ATP10D: variants seen among roughly 807,000 people sequenced by gnomAD.
ATP10D encodes the protein phospholipid-transporting ATPase VD.
In ATP10D, 89 loss-of-function variants were observed where a neutral mutation model predicts 144.8. The ratio of observed to expected loss-of-function variants is 0.61; its 90% CI spans 0.52 to 0.73. The LOEUF (loss-of-function observed/expected upper bound fraction) is 0.73. Ranked by LOEUF, ATP10D falls within the 30% of genes least tolerant of loss-of-function variation. The pLI, the probability that ATP10D is intolerant of heterozygous loss-of-function variation, is 0.00. For missense variants in ATP10D, 1,603 were observed against 1,714.8 expected (o/e 0.93, Z 1.15); for synonymous variants, 571 against 615.1 (o/e 0.93, Z 1.06).
chr4:47,536,183 C>T (rs1455708701), intron 7 of ATP10D, 150 bp downstream of exon 7: 36 of 1,102,786 alleles, frequency 3.3e-5, no homozygotes, highest in Admixed American at 2.7e-5. Flanking sequence ...CATCCTTTAG[C>T]CTGAAAAATA....
chr4:47,571,636 G>A (rs1411052733), intron 16 of ATP10D, among the ~76,000 whole-genome samples: 1 of 152,144 alleles, frequency 6.6e-6, no homozygotes, highest in East Asian at 1.9e-4. Context: ...CTGTGTTGGG[G>A]GAGACCAGTA....
intron 5 of ATP10D, among the ~76,000 whole-genome samples, chr4:47,530,955 T>A (rs903166878): frequency 1.1e-4 from 16 of 152,188 alleles, no homozygotes; most frequent in African/African-American, 3.6e-4. Flanking sequence ...TGAAGCTTTC[T>A]TTTTTGTTGT....
intron 2 of ATP10D, among the ~76,000 whole-genome samples, chr4:47,513,306 A>G (rs1418256049): frequency 6.6e-6 from 1 of 152,242 alleles, no homozygotes; most frequent in African/African-American, 2.4e-5. Context: ...TTCATGGACA[A>G]TCTCCTGTGA....
At chr4:47,530,110 T>C (rs542113266) in intron 5 of ATP10D, among the ~76,000 whole-genome samples, 1 of 152,330 alleles carries the variant, frequency 6.6e-6, no homozygotes, top group South Asian at 2.1e-4. Flanking sequence ...TTTGACTTCC[T>C]ATTTTCCAAT....
In ATP10D at chr4:47,561,172, A is replaced by T. The variant is rs1719277003; in HGVS notation, c.2668+97A>T. On this transcript the variant is annotated intron_variant, in intron 14 of 22. Transcript: ENST00000273859. ...ATTTTCTTCCATTGTTATCTAATAA[A>T]CATATATGGTTCTGCCTACCCTGTC... The T allele has an allele frequency of 3.4e-6, 5 of 1,473,930 alleles. No individual in the cohort carries two copies. In the East Asian group the frequency reaches 1.1e-4, roughly 34 times the overall value. 91.3% of individuals were successfully genotyped at this position (1,473,930 alleles called of 1,614,324 possible).
At chr4:47,486,991 G>T (rs550790937) in intron 1 of ATP10D, among the ~76,000 whole-genome samples, 10 of 152,268 alleles carry the variant, frequency 6.6e-5, no homozygotes, top group African/African-American at 2.4e-4. Flanking sequence ...AACACTTTGG[G>T]AGGCCGAGGC....
At chr4:47,527,684 A>G (rs1213930913) in intron 5 of ATP10D, among the ~76,000 whole-genome samples, 2 of 152,186 alleles carry the variant, frequency 1.3e-5, no homozygotes, top group Non-Finnish European at 2.9e-5. Flanking sequence ...TTGTGAAAAG[A>G]TGCAGGTTAA....
chr4:47,521,534 T>C (rs1277654681), intron 3 of ATP10D, among the ~76,000 whole-genome samples: 3 of 152,230 alleles, frequency 2.0e-5, no homozygotes, highest in African/African-American at 7.2e-5. Flanking sequence ...GCCATACTCC[T>C]AAATAAACTG....
In ATP10D at chr4:47,568,965, A is replaced by T; in HGVS notation, c.2982A>T (p.Arg994=). ...CTGTCCCCCGGGACTCAGGGTTACG[A>T]GCTGGACTCATTATCACTGGGAAGA... ...QPPVPRDSGL[R]AGLIITGKTL... Residue 994 remains arginine (R), a synonymous_variant, in exon 16 of 23, where the codon CGA becomes CGT. Coordinates refer to ENST00000273859, the MANE Select transcript of ATP10D (RefSeq NM_020453.4). The T allele has an allele frequency of 1.2e-6, 2 of 1,614,184 alleles. No homozygotes were observed. The highest frequency in any genetic ancestry group is 1.7e-6 in the Non-Finnish European group (2 of 1,180,038).
At chr4:47,569,536 G>C (rs144552366) in intron 16 of ATP10D, among the ~76,000 whole-genome samples, 550 of 152,244 alleles carry the variant, frequency 3.6e-3, no homozygotes, top group Non-Finnish European at 6.3e-3. Flanking sequence ...TATTTATCAA[G>C]TGCCTTTTTT....
intron 9 of ATP10D, among the ~76,000 whole-genome samples, chr4:47,542,980 C>T (rs1718231731): frequency 6.6e-6 from 1 of 152,002 alleles, no homozygotes; most frequent in Non-Finnish European, 1.5e-5. Flanking sequence ...TTAAATATAG[C>T]CTCCATGTTT....
At chr4:47,530,515 G>C (rs2109418612) in intron 5 of ATP10D, among the ~76,000 whole-genome samples, 1 of 152,260 alleles carries the variant, frequency 6.6e-6, no homozygotes, top group East Asian at 1.9e-4. Context: ...AGAGCAGAGT[G>C]GTGCGATCTC....
intron 1 of ATP10D, among the ~76,000 whole-genome samples, chr4:47,495,080 A>G (rs1040965312): frequency 6.6e-6 from 1 of 152,382 alleles, no homozygotes. Flanking sequence ...ATTTATAATT[A>G]CATGTAATGC....
chr4:47,563,855 A>C (rs1303883004), intron 15 of ATP10D, 90 bp downstream of exon 15: 8 of 1,134,840 alleles, frequency 7.0e-6, no homozygotes, highest in African/African-American at 3.2e-5. Flanking sequence ...TAAAAAAAAA[A>C]CAAAACAGCA....
At chr4:47,565,056 T>C (rs943529527) in intron 15 of ATP10D, among the ~76,000 whole-genome samples, 1 of 152,232 alleles carries the variant, frequency 6.6e-6, no homozygotes, top group Non-Finnish European at 1.5e-5. Flanking sequence ...CCTCCCGGGT[T>C]CACGCCATTC....
intron 11 of ATP10D, among the ~76,000 whole-genome samples, chr4:47,557,316 C>T (rs1485598022): frequency 6.6e-6 from 1 of 151,822 alleles, no homozygotes; most frequent in African/African-American, 2.4e-5. Context: ...TGAAGGATGC[C>T]CACTGCTAGC....
At chr4:47,528,469 GT>G (rs1717374099) in intron 5 of ATP10D, among the ~76,000 whole-genome samples, 1 of 13,538 alleles carries the variant, frequency 7.4e-5, no homozygotes, top group Admixed American at 7.7e-4. Flanking sequence ...GTGTGTGTGT[GT>G]GTGTGTGTGT....
intron 3 of ATP10D, among the ~76,000 whole-genome samples, chr4:47,517,053 G>C (rs564365211): frequency 8.7e-4 from 133 of 152,322 alleles, no homozygotes; most frequent in African/African-American, 2.6e-3. Context: ...ATTACCCAGT[G>C]AATGTCAAAT....
Position 47,497,459 on chromosome 4 carries a change from TA to T in ATP10D, c.-38+11951del, listed in dbSNP as rs951826460. 3.1e-4 allele frequency among the ~76,000 whole-genome samples: 45 copies of T among 143,772 alleles called. 1 individual carries two copies. The highest frequency in any genetic ancestry group is 4.4e-4 in the South Asian group (2 of 4,504). 94.3% of individuals were successfully genotyped at this position (143,772 alleles called of 152,430 possible). On this transcript the variant is annotated intron_variant, in intron 1 of 22. Transcript: ENST00000273859. Reference sequence around the variant, plus strand: ...AACAAGAGCGAAACTCCGTCTCAAATAAAAAAAAAAATAGATCATTGTAATA... The same window carrying T: ...AACAAGAGCGAAACTCCGTCTCAAATAAAAAAAAAATAGATCATTGTAATA...
Sources: allele counts gnomAD v4.1 joint callset (sites outside exome capture counted in the v4.1 genomes callset), GRCh38; gene constraint gnomAD v4.1.1; transcripts MANE v1.5; gene names NCBI Gene and HGNC (gene_info 2026-07-23, HGNC 2026-07-21).